The following TTN variants were observed in gnomAD, a reference collection of about 807,000 sequenced individuals.
TTN encodes connectin.
A neutral mutation model predicts 3,223.0 loss-of-function variants in TTN; 1,525 were observed. The observed-to-expected ratio is 0.47, with a 90% CI of 0.45 to 0.49. The LOEUF is 0.49. Among genes scored for constraint, TTN ranks in the 20% least tolerant of loss-of-function variants. The pLI is 0.00. For missense variants in TTN, 40,786 were observed against 43,424.0 expected (o/e 0.94, Z 5.40); for synonymous variants, 14,094 against 15,161.0 (o/e 0.93, Z 5.17).
Position 178,756,597 on chromosome 2 carries a change from C to T in TTN, c.10879G>A (p.Val3627Ile). ...GTATGGCACAACTGTGTATCTTGAACAGATGCAGCTGTGTGGATGGAACTT... is the reference window on the plus strand; with the variant it reads ...GTATGGCACAACTGTGTATCTTGAATAGATGCAGCTGTGTGGATGGAACTT... ...SQSSIHTAAS[V>I]QDTQLCHTAS... Residue 3627 changes from valine to isoleucine, a missense_variant, in exon 46 of 363, where the codon GTT becomes ATT. Coordinates refer to ENST00000589042, the MANE Select transcript of TTN (RefSeq NM_001267550.2). 6.2e-7 allele frequency: 1 copy of T among 1,613,034 alleles called. No individual in the cohort carries two copies. Among genetic ancestry groups the T allele is most frequent in the Non-Finnish European group, 8.5e-7 (1 of 1,179,370 alleles).
rs765602798 is a variant in TTN, at chr2:178,621,936, G to A, written c.44986C>T (p.Arg14996Cys). 20 of 1,611,784 alleles carry A rather than the reference G, an allele frequency of 1.2e-5. No homozygotes were observed. The highest frequency in any genetic ancestry group is 2.2e-5 in the East Asian group (1 of 44,546). ...AGACATTTGTTGATGACAAGAATGC[G>A]CACTGCTCCCTTGGATATGATGTCA... The part of the protein sequence containing the change: ...KYDIISKGAV[R>C]ILVINKCLLD... Residue 14996 changes from arginine (R) to cysteine (C), a missense_variant, in exon 244 of 363, where the codon CGC (arginine) becomes TGC (cysteine). By Grantham distance (180) the Arg-to-Cys change is radical. Coordinates refer to ENST00000589042, the MANE Select transcript of TTN (RefSeq NM_001267550.2).
In TTN at chr2:178,786,070, C is replaced by T. The variant is rs766496875; in HGVS notation, c.2148G>A (p.Glu716=). ...CTTCAAGATGCCCAGGCTCTCTGGG[C>T]TCTCTGACTCGGGCCTGGTCTACTG... is the stretch of plus-strand genomic sequence containing the variant. ...VAAVDQARVR[E]PREPGHLEES... Residue 716 remains glutamate (E), a synonymous_variant, in exon 14 of 363, where the codon GAG becomes GAA. Coordinates refer to ENST00000589042, the MANE Select transcript of TTN (RefSeq NM_001267550.2). 1 of 1,614,072 alleles carries T rather than the reference C, an allele frequency of 6.2e-7. No individual in the cohort carries two copies. Among genetic ancestry groups the T allele is most frequent in the South Asian group, 1.1e-5 (1 of 91,072 alleles).
rs765712706 is a variant in TTN at position 178,531,344 on chromosome 2, C to T, written c.105271G>A (p.Glu35091Lys). Residue 35091 changes from glutamate (E) to lysine (K), a missense_variant, in exon 358 of 363, where the codon GAA becomes AAA. Glu to Lys is a moderately conservative substitution (Grantham distance 56). Transcript: ENST00000589042. ...EVKSQMTETR[E>K]SLSSYEHSAS... The stretch of plus-strand genomic sequence containing the variant: ...GAGTGTTCATATGAGGAGAGACTTT[C>T]CCTTGTCTCCGTCATCTGTGATTTC... The T allele has an allele frequency of 1.2e-6, 2 of 1,614,010 alleles. No individual in the cohort carries two copies. The highest frequency in any genetic ancestry group is 2.2e-5 in the East Asian group (1 of 44,890).
intron 33 of TTN, 183 bp downstream of exon 33, chr2:178,772,926 G>T: frequency 4.3e-6 from 3 of 705,082 alleles, no homozygotes; most frequent in Non-Finnish European, 7.0e-6. Flanking sequence ...TTTGAGGTAG[G>T]CCTAGAAGAA....
Position 178,775,400 on chromosome 2 carries a change from T to C in TTN, c.6464A>G (p.Asn2155Ser). ...DSASIMVKAI[N>S]IAGETSSHAF... ...GTGACTGGAGGTTTCTCCAGCTATGTTGATGGCTTTTACCATGATGCTGGC... is the reference window on the plus strand; with the variant it reads ...GTGACTGGAGGTTTCTCCAGCTATGCTGATGGCTTTTACCATGATGCTGGC... The change falls in exon 28 of 363, where the codon AAC becomes AGC. Residue 2155 changes from asparagine to serine, a missense_variant. Physicochemically the swap from Asn to Ser is conservative, Grantham distance 46. Transcript: ENST00000589042. 2 of 1,614,118 alleles carry C rather than the reference T, an allele frequency of 1.2e-6. No individual in the cohort carries two copies. Among genetic ancestry groups the C allele is most frequent in the Non-Finnish European group, 1.7e-6 (2 of 1,180,010 alleles).
At position 178,591,512 on chromosome 2, in the gene TTN, G is replaced by T. The variant is rs1362866017; in HGVS notation, c.60221-8C>A. On this transcript the variant is annotated splice_region_variant and splice_polypyrimidine_tract_variant and intron_variant, in intron 303 of 362. Transcript: ENST00000589042. ...GCTCCACGGATGGAGGCACTGAAAA[G>T]TAAACATGAAAAAATTAGATTTTGA... is the stretch of plus-strand genomic sequence containing the variant. 3.8e-6 allele frequency: 6 copies of T among 1,583,390 alleles called. No individual in the cohort carries two copies. Among genetic ancestry groups the T allele is most frequent in the Non-Finnish European group, 5.1e-6 (6 of 1,171,334 alleles).
chr2:178,724,948 G>A (rs938844488), intron 71 of TTN: 1 of 192,434 alleles, frequency 5.2e-6, no homozygotes. Context: ...ACCTTAAGGT[G>A]CTAAAGACAA....
rs889692992 is a variant in TTN, at chr2:178,541,133, G to A, written c.97795+149C>T. On this transcript the variant is annotated intron_variant, in intron 350 of 362. Coordinates refer to ENST00000589042, the MANE Select transcript of TTN (RefSeq NM_001267550.2). ...AACGGACACAAGGGAACTTTACGGG[G>A]TAATAAAAATATTCCACATTTTGAT... is the stretch of plus-strand genomic sequence containing the variant. 16 of 764,800 alleles carry A rather than the reference G, an allele frequency of 2.1e-5. No homozygotes were observed. The African/African-American group carries it at 2.3e-4, about 11-fold the overall frequency. The allele number at this position is 764,800 out of a possible 1,614,324, so 47.4% of individuals were successfully genotyped here.
intron 164 of TTN, 48 bp from the exon 165 acceptor site, chr2:178,665,508 G>A: frequency 6.3e-7 from 1 of 1,579,276 alleles, no homozygotes; most frequent in East Asian, 2.2e-5. Context: ...GATCAGTGGA[G>A]ACATTAATTA....
chr2:178,695,118 C>T (rs1032405869), intron 115 of TTN, among the ~76,000 whole-genome samples: 2 of 151,456 alleles, frequency 1.3e-5, no homozygotes, highest in Admixed American at 6.6e-5. Flanking sequence ...AGTTTCTGTA[C>T]TTAACATATT....
Position 178,537,044 on chromosome 2 carries a change from G to A in TTN, c.100065C>T (p.Asn33355=). ...AGTAATAGCCAGCATTTTCTGTGAG[G>A]TTCACAATTCTACAGGTTGTCACTG... ...AISVTTCRIV[N]LTENAGYYFR... The change falls in exon 356 of 363, where the codon AAC becomes AAT. Residue 33355 remains asparagine, a synonymous_variant. Coordinates refer to ENST00000589042, the MANE Select transcript of TTN (RefSeq NM_001267550.2). 6.2e-7 allele frequency: 1 copy of A among 1,613,098 alleles called. No homozygotes were observed. The highest frequency in any genetic ancestry group is 8.5e-7 in the Non-Finnish European group (1 of 1,179,508).
At position 178,593,653 on chromosome 2, in the gene TTN, A is replaced by G. The variant is rs778235025; in HGVS notation, c.58647T>C (p.Asp19549=). 6.2e-7 allele frequency: 1 copy of G among 1,613,164 alleles called. No individual in the cohort carries two copies. Among genetic ancestry groups the G allele is most frequent in the Non-Finnish European group, 8.5e-7 (1 of 1,179,564 alleles). ...CKVSKLLEGK[D]YIFRIHAENL... is the part of the protein sequence containing the mutation. ...TTTCAGCATGTATCCGGAAAATATA[A>G]TCTTTTCCTTCAAGTAGTTTAGAAA... The change falls in exon 298 of 363, where the codon GAT becomes GAC. Residue 19549 remains aspartate, a synonymous_variant. Transcript: ENST00000589042.
chr2:178,694,970 ATC>A (rs1002140696), intron 115 of TTN, 64 bp from the exon 116 acceptor site: 1,153 of 1,134,176 alleles, frequency 1.0e-3, no homozygotes, highest in Non-Finnish European at 1.2e-3. Context: ...CTCTCTCTCT[ATC>A]TCTCTCTCTC....
chr2:178,760,435 C>T (rs1049327184), intron 43 of TTN, among the ~76,000 whole-genome samples: 3 of 152,142 alleles, frequency 2.0e-5, no homozygotes, highest in Admixed American at 2.0e-4. Flanking sequence ...GAGGCTCAGG[C>T]AGGAGAATAG....
chr2:178,678,633 A>AGG, intron 143 of TTN, 114 bp downstream of exon 143: 1 of 1,160,230 alleles, frequency 8.6e-7, no homozygotes. Context: ...TTAAAATAAA[A>AGG]TATTTAATTT....
At position 178,615,062 on chromosome 2, in the gene TTN, A is replaced by G. The variant is rs2057074086; in HGVS notation, c.48639-94T>C. 5 of 1,124,864 alleles carry G rather than the reference A, an allele frequency of 4.4e-6. No homozygotes were observed. The East Asian group carries it at 1.0e-4, about 23-fold the overall frequency. The allele number at this position is 1,124,864 out of a possible 1,614,324, so 69.7% of individuals were successfully genotyped here. A position where few individuals can be genotyped will look rare whatever the true frequency, so the allele number is the denominator to read the frequency against. ...TCTTTCAAAAATTCAAACCCCTGGT[A>G]TAATACTAGTCTTTAAATTAAACCT... On this transcript the variant is annotated intron_variant, in intron 259 of 362. Transcript: ENST00000589042.
chr2:178,591,656 T>C lies in TTN; in HGVS notation c.60163A>G (p.Ile20055Val), dbSNP rs1445750788. 2.5e-5 allele frequency: 40 copies of C among 1,613,374 alleles called. No homozygotes were observed. Among genetic ancestry groups the C allele is most frequent in the Non-Finnish European group, 3.4e-5 (40 of 1,179,572 alleles). Residue 20055 changes from isoleucine (I) to valine (V), a missense_variant, in exon 303 of 363, where the codon ATT becomes GTT. By Grantham distance (29) the Ile-to-Val change is conservative. Transcript: ENST00000589042. ...GTGTCAGGGAGACCAAGACCCACAA[T>C]GTTTTCAGCTTTTACACGGAATCTA... ...TYRFRVKAEN[I>V]VGLGLPDTTI... is the part of the protein sequence containing the mutation.
Position 178,732,628 on chromosome 2 carries a change from G to A in TTN, c.16433C>T (p.Pro5478Leu), listed in dbSNP as rs1391157831. Reference sequence around the variant, plus strand: ...GCCCTTAAACCATCTGATTGTGAGAGGAGTAGATCCTTGGAAAGTGCTCTT... The same window carrying A: ...GCCCTTAAACCATCTGATTGTGAGAAGAGTAGATCCTTGGAAAGTGCTCTT... ...CLKSTFQGST[P>L]LTIRWFKGNK... The change falls in exon 56 of 363, where the codon CCT (proline) becomes CTT (leucine). Residue 5478 changes from proline (P) to leucine (L), a missense_variant. By Grantham distance (98) the Pro-to-Leu change is moderately conservative (BLOSUM62 -3). Transcript: ENST00000589042. 6.2e-7 allele frequency: 1 copy of A among 1,613,392 alleles called. No individual in the cohort carries two copies. Among genetic ancestry groups the A allele is most frequent in the Admixed American group, 1.7e-5 (1 of 59,946 alleles).
intron 213 of TTN, among the ~76,000 whole-genome samples, chr2:178,648,381 C>A (rs1307910679): frequency 6.6e-6 from 1 of 151,920 alleles, no homozygotes; most frequent in Non-Finnish European, 1.5e-5. Context: ...ATGCTCTTCC[C>A]TTTCCATGGG....
Sources: allele counts gnomAD v4.1 joint callset (sites outside exome capture counted in the v4.1 genomes callset), GRCh38; gene constraint gnomAD v4.1.1; transcripts MANE v1.5; gene names NCBI Gene and HGNC (gene_info 2026-07-23, HGNC 2026-07-21).